Variants in MEGF11 observed in about 807,000 individuals in gnomAD.
MEGF11 encodes the protein multiple epidermal growth factor-like domains protein 11.
Under a neutral mutation model 146.6 loss-of-function variants are expected in MEGF11, and 126 were observed. The ratio of observed to expected loss-of-function variants is 0.86; its 90% CI spans 0.74 to 1.00. The LOEUF (loss-of-function observed/expected upper bound fraction) is 1.00, where lower values mean the gene tolerates loss of function less well. MEGF11 is among the 50% of genes least tolerant of loss of function. MEGF11 has a pLI of 0.00. For synonymous variants in MEGF11, 532 were observed against 583.4 expected (o/e 0.91, Z 1.27); for missense variants, 1,509 against 1,521.2 (o/e 0.99, Z 0.13).
At chr15:65,993,962 T>G (rs2082128675) in intron 5 of MEGF11, among the ~76,000 whole-genome samples, 1 of 152,124 alleles carries the variant, frequency 6.6e-6, no homozygotes, top group South Asian at 2.1e-4. Flanking sequence ...GATGACTGTG[T>G]GCCAAGCTGT....
At chr15:66,085,529 C>T (rs2086070880) in intron 5 of MEGF11, among the ~76,000 whole-genome samples, 1 of 152,200 alleles carries the variant, frequency 6.6e-6, no homozygotes, top group Non-Finnish European at 1.5e-5. Flanking sequence ...CAGTACCAAC[C>T]CGGAGCTGGG....
Position 65,897,677 on chromosome 15 carries a change from T to C in MEGF11, c.*257A>G. On this transcript the variant is annotated 3_prime_UTR_variant, in exon 26 of 26. Coordinates refer to ENST00000395614, the MANE Select transcript of MEGF11 (RefSeq NM_001385028.1). ...TATTTAGCTGATGTTGATGAGTAGC[T>C]GTATCTTAAAATGTTTTAAAAATCA... The C allele has an allele frequency of 3.4e-6, 1 of 298,438 alleles. No individual in the cohort carries two copies. Among genetic ancestry groups the C allele is most frequent in the Non-Finnish European group, 6.1e-6 (1 of 162,998 alleles). The allele number at this position is 298,438 out of a possible 1,614,324, so 18.5% of individuals were successfully genotyped here.
intron 5 of MEGF11, among the ~76,000 whole-genome samples, chr15:66,055,287 C>T (rs978838977): frequency 5.3e-5 from 8 of 152,208 alleles, no homozygotes; most frequent in African/African-American, 2.4e-5. Context: ...GTAAAACTAT[C>T]GAGATTCGTA....
At chr15:66,082,670 C>T (rs2085938584) in intron 5 of MEGF11, among the ~76,000 whole-genome samples, 1 of 830 alleles carries the variant, frequency 1.2e-3, no homozygotes. Context: ...AAGACTCTGT[C>T]TCAAAAAAAA....
At chr15:66,010,704 C>T (rs937844862) in intron 5 of MEGF11, among the ~76,000 whole-genome samples, 1 of 152,128 alleles carries the variant, frequency 6.6e-6, no homozygotes, top group African/African-American at 2.4e-5. Flanking sequence ...GTTGGACGTG[C>T]ATGATAACTT....
chr15:65,932,591 T>G (rs1409301054), intron 10 of MEGF11, among the ~76,000 whole-genome samples: 2 of 150,520 alleles, frequency 1.3e-5, no homozygotes, highest in African/African-American at 2.5e-5. Context: ...TGCAGAGGAG[T>G]ATGAGCTGGG....
In MEGF11 at chr15:66,128,304, A is replaced by G; in HGVS notation, c.98+2T>C. 6.7e-7 allele frequency: 1 copy of G among 1,494,552 alleles called. No homozygotes were observed. Among genetic ancestry groups the G allele is most frequent in the South Asian group, 1.3e-5 (1 of 74,990 alleles). The allele number at this position is 1,494,552 out of a possible 1,614,324, so 92.6% of individuals were successfully genotyped here. A position where few individuals can be genotyped will look rare whatever the true frequency, so the allele number is the denominator to read the frequency against. On this transcript the variant is annotated splice_donor_variant, in intron 2 of 25. Transcript: ENST00000395614. LOFTEE classifies it high-confidence loss of function. Reference sequence around the variant, plus strand: ...CCTGGCCATCTGAGGCCCACACCTTACCTCTCCCAGTGGCTGCACACGTTG... The same window carrying G: ...CCTGGCCATCTGAGGCCCACACCTTGCCTCTCCCAGTGGCTGCACACGTTG...
intron 1 of MEGF11, among the ~76,000 whole-genome samples, chr15:66,165,498 A>T (rs2090073704): frequency 6.6e-6 from 1 of 152,082 alleles, no homozygotes; most frequent in South Asian, 2.1e-4. Flanking sequence ...ATCTTTTTTA[A>T]AAACTCTCTC....
chr15:65,981,288 TGC>T (rs1190759331), intron 6 of MEGF11, among the ~76,000 whole-genome samples: 1 of 152,168 alleles, frequency 6.6e-6, no homozygotes, highest in Admixed American at 6.5e-5. Flanking sequence ...CACTGAGAAG[TGC>T]TCATGGATCC....
chr15:66,119,655 G>C (rs779398973), intron 3 of MEGF11, among the ~76,000 whole-genome samples: 1 of 151,992 alleles, frequency 6.6e-6, no homozygotes, highest in African/African-American at 2.4e-5. Context: ...AAGAACTGAG[G>C]CAGAGTCAGC....
intron 5 of MEGF11, among the ~76,000 whole-genome samples, chr15:66,082,340 C>T (rs2085891296): frequency 7.4e-6 from 1 of 134,640 alleles, no homozygotes; most frequent in Non-Finnish European, 1.5e-5. Flanking sequence ...GTAATTGCAA[C>T]ACTTGGGAGG....
At chr15:65,955,693 G>A (rs779855174) in intron 10 of MEGF11, among the ~76,000 whole-genome samples, 1 of 129,692 alleles carries the variant, frequency 7.7e-6, no homozygotes, top group Non-Finnish European at 1.6e-5. Context: ...GCAATGAGCC[G>A]AGATTGTGCC....
In MEGF11 at chr15:65,964,998, C is replaced by T. The variant is rs528913511; in HGVS notation, c.1022G>A (p.Gly341Asp). ...GACECEPGYKGPRCQERLCPE... is the reference protein window; with the variant it reads ...GACECEPGYKDPRCQERLCPE... ...GCACAGTCGCTCCTGGCAGCGTGGG[C>T]CCTTGTAGCCAGGCTCACACTCGCA... The change falls in exon 9 of 26, where the codon GGC becomes GAC. Residue 341 changes from glycine (G) to aspartate (D), a missense_variant. Transcript: ENST00000395614. 31 of 1,569,460 alleles carry T rather than the reference C, an allele frequency of 2.0e-5. No individual in the cohort carries two copies. The South Asian group carries it at 3.1e-4, about 15-fold the overall frequency.
At chr15:65,993,371 G>C (rs2082112062) in intron 5 of MEGF11, among the ~76,000 whole-genome samples, 1 of 152,156 alleles carries the variant, frequency 6.6e-6, no homozygotes, top group Admixed American at 6.5e-5. Context: ...CCACCCACAG[G>C]CTTTTAATGA....
chr15:65,902,458 G>T (rs935455474), intron 24 of MEGF11: 1 of 152,282 alleles, frequency 6.6e-6, no homozygotes, highest in African/African-American at 2.4e-5. Flanking sequence ...TACTGGGACT[G>T]GAGAATGGGG....
chr15:65,933,854 A>C (rs554129942), intron 10 of MEGF11, among the ~76,000 whole-genome samples: 1 of 152,336 alleles, frequency 6.6e-6, no homozygotes, highest in South Asian at 2.1e-4. Flanking sequence ...GTTAAATGGG[A>C]ATTAAAATGT....
At chr15:66,223,018 C>G (rs900027323) in intron 1 of MEGF11, among the ~76,000 whole-genome samples, 31 of 152,148 alleles carry the variant, frequency 2.0e-4, no homozygotes, top group Admixed American at 1.8e-3. Context: ...AAATACGTGT[C>G]CCTGCAAAAA....
At chr15:66,140,300 A>C (rs1006928996) in intron 1 of MEGF11, among the ~76,000 whole-genome samples, 1 of 152,242 alleles carries the variant, frequency 6.6e-6, no homozygotes, top group Non-Finnish European at 1.5e-5. Context: ...CGTTTTGGTA[A>C]CAGGTGTTGA....
intron 10 of MEGF11, among the ~76,000 whole-genome samples, chr15:65,943,971 G>A (rs1161358421): frequency 6.6e-6 from 1 of 152,082 alleles, no homozygotes; most frequent in African/African-American, 2.4e-5. Flanking sequence ...TCCTAGGTGG[G>A]AGCCAGACTG....
Sources: allele counts gnomAD v4.1 joint callset (sites outside exome capture counted in the v4.1 genomes callset), GRCh38; gene constraint gnomAD v4.1.1; transcripts MANE v1.5; gene names NCBI Gene and HGNC (gene_info 2026-07-23, HGNC 2026-07-21).